Variants in DNAH9 observed in about 807,000 individuals in gnomAD.
The protein encoded by DNAH9 is dynein axonemal heavy chain 9.
Under a neutral mutation model 471.6 loss-of-function variants are expected in DNAH9, and 345 were observed. The observed-to-expected ratio is 0.73, with a 90% CI of 0.67 to 0.80. The LOEUF (loss-of-function observed/expected upper bound fraction) is 0.80, where lower values mean the gene tolerates loss of function less well. Ranked by LOEUF, DNAH9 falls within the 30% of genes least tolerant of loss-of-function variation. The probability of loss-of-function intolerance (pLI) is 0.00; values close to 1 mark genes in which losing one functional copy is unlikely to be tolerated. For missense variants in DNAH9, 5,407 were observed against 5,609.2 expected (o/e 0.96, Z 1.15); for synonymous variants, 2,093 against 2,123.6 (o/e 0.99, Z 0.40).
intron 61 of DNAH9, among the ~76,000 whole-genome samples, chr17:11,907,225 C>G (rs181834518): frequency 3.9e-5 from 6 of 152,150 alleles, no homozygotes; most frequent in Admixed American, 3.3e-4. Context: ...AATCCCAACA[C>G]TTTGGGAGGC....
intron 52 of DNAH9, 144 bp downstream of exon 52, chr17:11,871,930 C>A (rs776751728): frequency 1.0e-5 from 9 of 871,962 alleles, no homozygotes; most frequent in Non-Finnish European, 1.4e-5. Context: ...AACCTGCGTA[C>A]CCGTGTCCTT....
chr17:11,647,800 T>G (rs929818570), intron 12 of DNAH9, among the ~76,000 whole-genome samples: 1 of 152,190 alleles, frequency 6.6e-6, no homozygotes, highest in Non-Finnish European at 1.5e-5. Flanking sequence ...GCTTTGGAAA[T>G]AAGACTCTAG....
chr17:11,649,446 C>G (rs1232268941), intron 12 of DNAH9, among the ~76,000 whole-genome samples: 2 of 152,042 alleles, frequency 1.3e-5, no homozygotes, highest in Non-Finnish European at 1.5e-5. Flanking sequence ...GTGAATCTTA[C>G]AATTGATGAC....
rs746934742 is a variant in DNAH9, at chr17:11,933,822, C to A, written c.12298-58C>A. 101 of 1,529,218 alleles carry A rather than the reference C, an allele frequency of 6.6e-5. No individual in the cohort carries two copies. The Admixed American group carries it at 1.1e-3, about 17-fold the overall frequency. The allele number at this position is 1,529,218 out of a possible 1,614,324, so 94.7% of individuals were successfully genotyped here. On this transcript the variant is annotated intron_variant, in intron 64 of 68. Transcript: ENST00000262442. ...TGTGCTGCCCAGATGGGAGGCCAGCCCCGACGCCTGTGTGGAGGTCTTTCT... is the reference window on the plus strand; with the variant it reads ...TGTGCTGCCCAGATGGGAGGCCAGCACCGACGCCTGTGTGGAGGTCTTTCT...
chr17:11,867,681 A>G (rs1390711908), intron 50 of DNAH9, among the ~76,000 whole-genome samples: 1 of 152,086 alleles, frequency 6.6e-6, no homozygotes, highest in Non-Finnish European at 1.5e-5. Flanking sequence ...TTGTCCTTTC[A>G]TGTTTACAAG....
At position 11,822,827 on chromosome 17, in the gene DNAH9, A is replaced by G; in HGVS notation, c.9039A>G (p.Lys3013=). The change falls in exon 48 of 69, where the codon AAA becomes AAG. Residue 3013 remains lysine, a synonymous_variant. Transcript: ENST00000262442. The part of the protein sequence containing the change: ...IEPTVKQSIS[K]FMAFVHTSVN... ...CCACAGTAAAGCAGTCGATTAGCAA[A>G]TTCATGGCCTTTGTCCACACAAGTG... is the stretch of plus-strand genomic sequence containing the variant. 1 of 1,614,236 alleles carries G rather than the reference A, an allele frequency of 6.2e-7. No individual in the cohort carries two copies.
Position 11,854,191 on chromosome 17 carries a change from C to G in DNAH9, c.9696C>G (p.Asn3232Lys), listed in dbSNP as rs757425510. The G allele has an allele frequency of 6.2e-7, 1 of 1,614,064 alleles. No individual in the cohort carries two copies. Among genetic ancestry groups the G allele is most frequent in the Admixed American group, 1.7e-5 (1 of 60,000 alleles). ...CGCTAATAAACTTCAACAAAGAGAA[C>G]ATTCACGAGAACTGCCTCAAAGCCA... ...LDSLINFNKE[N>K]IHENCLKAIR... The change falls in exon 50 of 69, where the codon AAC becomes AAG. Residue 3232 changes from asparagine to lysine, a missense_variant. Transcript: ENST00000262442.
chr17:11,738,768 G>A, intron 28 of DNAH9, 112 bp from the exon 29 acceptor site: 2 of 893,016 alleles, frequency 2.2e-6, no homozygotes, highest in Non-Finnish European at 3.6e-6. Flanking sequence ...CAGTGAAAGG[G>A]TCCACAGGAC....
chr17:11,617,115 T>G (rs778424512), intron 4 of DNAH9, among the ~76,000 whole-genome samples: 1 of 152,138 alleles, frequency 6.6e-6, no homozygotes, highest in Non-Finnish European at 1.5e-5. Flanking sequence ...GTCTCAGAGA[T>G]AGCAGCAAAG....
intron 24 of DNAH9, among the ~76,000 whole-genome samples, chr17:11,701,549 C>T (rs187814116): frequency 7.4e-4 from 112 of 152,358 alleles, no homozygotes; most frequent in Non-Finnish European, 1.4e-3. Context: ...GTGCCAAGCT[C>T]TGTGCTGAGC....
chr17:11,751,964 T>C (rs1324675723), intron 32 of DNAH9, among the ~76,000 whole-genome samples: 2 of 152,096 alleles, frequency 1.3e-5, no homozygotes, highest in Non-Finnish European at 2.9e-5. Context: ...CAATTAAAAA[T>C]AGAAGTGCAG....
intron 33 of DNAH9, among the ~76,000 whole-genome samples, chr17:11,754,403 C>A (rs1370135037): frequency 2.0e-5 from 3 of 152,188 alleles, no homozygotes; most frequent in Admixed American, 2.0e-4. Context: ...AGGCACCATA[C>A]CGCTTTCCAC....
chr17:11,686,279 G>A (rs1392072755), intron 19 of DNAH9, among the ~76,000 whole-genome samples: 5 of 152,030 alleles, frequency 3.3e-5, no homozygotes, highest in South Asian at 2.1e-4. Flanking sequence ...ATTTTTCCAC[G>A]ATCAAATGCA....
chr17:11,860,412 T>C (rs981245372), intron 50 of DNAH9, among the ~76,000 whole-genome samples: 2 of 152,224 alleles, frequency 1.3e-5, no homozygotes, highest in African/African-American at 4.8e-5. Flanking sequence ...AAGGAAGAGG[T>C]AAATTTTCTG....
chr17:11,802,708 C>T (rs916770376), intron 43 of DNAH9, among the ~76,000 whole-genome samples: 1 of 151,294 alleles, frequency 6.6e-6, no homozygotes, highest in Non-Finnish European at 1.5e-5. Flanking sequence ...TGTGTGTGTG[C>T]CCTCCCAGGA....
intron 4 of DNAH9, among the ~76,000 whole-genome samples, chr17:11,615,412 C>G (rs1049756967): frequency 1.3e-5 from 2 of 151,974 alleles, no homozygotes; most frequent in Non-Finnish European, 2.9e-5. Context: ...TGGTGAAACC[C>G]CAACTCTACT....
intron 4 of DNAH9, chr17:11,612,050 C>T: frequency 1.7e-6 from 1 of 594,952 alleles, no homozygotes. Flanking sequence ...GGGGCATACA[C>T]TTCTGCCTAC....
chr17:11,930,818 CT>C, intron 63 of DNAH9, among the ~76,000 whole-genome samples: 1 of 150,408 alleles, frequency 6.6e-6, no homozygotes, highest in East Asian at 2.0e-4. Flanking sequence ...AAACTCTGGG[CT>C]GGGGCCCAGG....
chr17:11,704,400 T>C lies in DNAH9; in HGVS notation c.5349T>C (p.Asp1783=), dbSNP rs757203217. 7 of 1,613,664 alleles carry C rather than the reference T, an allele frequency of 4.3e-6. No homozygotes were observed. In the Admixed American group the frequency reaches 1.0e-4, roughly 23 times the overall value. Residue 1783 remains aspartate (D), a synonymous_variant, in exon 25 of 69, where the codon GAT becomes GAC. Coordinates refer to ENST00000262442, the MANE Select transcript of DNAH9 (RefSeq NM_001372.4). ...AGATTATGACTATATGCACCATCGA[T>C]GTGCATGCCCGGGATGTGGTAGCCA... ...RQKIMTICTI[D]VHARDVVAKM...
Sources: allele counts gnomAD v4.1 joint callset (sites outside exome capture counted in the v4.1 genomes callset), GRCh38; gene constraint gnomAD v4.1.1; transcripts MANE v1.5; gene names NCBI Gene and HGNC (gene_info 2026-07-23, HGNC 2026-07-21).